Variants in IFT80 observed in about 807,000 individuals in gnomAD.
IFT80 encodes the protein intraflagellar transport protein 80 homolog.
In IFT80, 79 loss-of-function variants were observed where a neutral mutation model predicts 107.9. The observed-to-expected ratio is 0.73, with a 90% confidence interval of 0.61 to 0.88. The LOEUF (loss-of-function observed/expected upper bound fraction) is 0.88, where lower values mean the gene tolerates loss of function less well. IFT80 is among the 40% of genes least tolerant of loss of function. The pLI is 0.00. For missense variants in IFT80, 797 were observed against 914.2 expected (o/e 0.87, Z 1.65); for synonymous variants, 299 against 300.9 (o/e 0.99, Z 0.07).
chr3:160,303,114 T>C (rs540148883), intron 11 of IFT80, among the ~76,000 whole-genome samples: 1 of 152,124 alleles, frequency 6.6e-6, no homozygotes, highest in Non-Finnish European at 1.5e-5. Flanking sequence ...CTATTAAGAG[T>C]TGCCTACATG....
chr3:160,363,869 A>T (rs1349113959), intron 6 of IFT80, among the ~76,000 whole-genome samples: 2 of 152,358 alleles, frequency 1.3e-5, no homozygotes, highest in African/African-American at 4.8e-5. Flanking sequence ...AAGATGGGTT[A>T]AAGTCTTAAA....
intron 1 of IFT80, among the ~76,000 whole-genome samples, chr3:160,393,949 A>C (rs887369751): frequency 4.6e-5 from 7 of 152,220 alleles, no homozygotes; most frequent in African/African-American, 1.7e-4. Context: ...GCTTATTACT[A>C]ACCAAGGTCC....
At chr3:160,284,565 A>G (rs1179754595) in intron 13 of IFT80, among the ~76,000 whole-genome samples, 1 of 152,192 alleles carries the variant, frequency 6.6e-6, no homozygotes, top group Non-Finnish European at 1.5e-5. Flanking sequence ...ATATCCTTTG[A>G]CCCAGCAACA....
intron 3 of IFT80, 24 bp downstream of exon 3, chr3:160,381,479 A>G (rs372538767): frequency 1.3e-5 from 20 of 1,522,878 alleles, no homozygotes; most frequent in Non-Finnish European, 1.6e-5. Context: ...AATGGCGAGC[A>G]TATAATGTTT....
Position 160,268,436 on chromosome 3 carries a change from G to T in IFT80, c.2200C>A (p.Arg734=), listed in dbSNP as rs375941259. The T allele has an allele frequency of 6.2e-7, 1 of 1,612,798 alleles. No homozygotes were observed. Among genetic ancestry groups the T allele is most frequent in the East Asian group, 2.2e-5 (1 of 44,780 alleles). The change falls in exon 19 of 20, where the codon CGA becomes AGA. Residue 734 remains arginine, a synonymous_variant. Transcript: ENST00000326448. ...ETFGKQETNK[R]YLHYAEGLQI... ...ACACCTTCTGCATAATGCAAGTATCGTTTATTAGTTTCCTGTTTACCAAAT... is the reference window on the plus strand; with the variant it reads ...ACACCTTCTGCATAATGCAAGTATCTTTTATTAGTTTCCTGTTTACCAAAT...
At chr3:160,310,709 C>G (rs1276720815) in intron 9 of IFT80, among the ~76,000 whole-genome samples, 1 of 152,154 alleles carries the variant, frequency 6.6e-6, no homozygotes, top group Non-Finnish European at 1.5e-5. Flanking sequence ...CTGATCAAAT[C>G]TTAATACCAC....
intron 1 of IFT80, among the ~76,000 whole-genome samples, 189 bp downstream of exon 1, chr3:160,398,957 C>A (rs1038922430): frequency 3.3e-5 from 5 of 152,172 alleles, no homozygotes; most frequent in Admixed American, 1.3e-4. Flanking sequence ...AGTTGTCTCT[C>A]TACTCCCTTA....
rs146168611 is a variant in IFT80 at position 160,290,761 on chromosome 3, C to T, written c.1316-4893G>A. ...TATTTTTAGTAAAGTCGGGGTTTCG[C>T]CATGTTGGCCAGGCTGGTCTTGAAT... On this transcript the variant is annotated intron_variant, in intron 12 of 19. Coordinates refer to ENST00000326448, the MANE Select transcript of IFT80 (RefSeq NM_020800.3). 9.2e-4 allele frequency among the ~76,000 whole-genome samples: 140 copies of T among 152,190 alleles called. 3 individuals are homozygous for T. In the East Asian group the frequency reaches 0.027, roughly 29 times the overall value.
At chr3:160,266,206 G>A (rs1036869013) in intron 19 of IFT80, among the ~76,000 whole-genome samples, 3 of 151,546 alleles carry the variant, frequency 2.0e-5, no homozygotes, top group African/African-American at 4.8e-5. Flanking sequence ...TGTTGTTCTG[G>A]TACTCTTATG....
chr3:160,315,522 G>A (rs1289436065), intron 9 of IFT80, among the ~76,000 whole-genome samples: 1 of 152,082 alleles, frequency 6.6e-6, no homozygotes, highest in Non-Finnish European at 1.5e-5. Context: ...AGGCAGTTTT[G>A]CATGACTCAG....
At chr3:160,338,185 C>A (rs996653192) in intron 8 of IFT80, among the ~76,000 whole-genome samples, 2 of 152,132 alleles carry the variant, frequency 1.3e-5, no homozygotes, top group African/African-American at 4.8e-5. Context: ...TCCTAGAACT[C>A]AAATATGAAG....
At chr3:160,282,397 C>A in intron 14 of IFT80, 81 bp downstream of exon 14, 1 of 1,006,172 alleles carries the variant, frequency 9.9e-7, no homozygotes, top group East Asian at 2.6e-5. Flanking sequence ...TAAAACATTT[C>A]CAGATTCATT....
At position 160,357,533 on chromosome 3, in the gene IFT80, C is replaced by A. The variant is rs1405334972; in HGVS notation, c.595G>T (p.Val199Phe). ...GIILKVDWNS[V>F]NDLILSAGED... The stretch of plus-strand genomic sequence containing the variant: ...CCAGCAGATAAAATAAGATCATTGA[C>A]CGAGTTCCAATCTACTTTTAAAATA... The change falls in exon 7 of 20, where the codon GTC (valine) becomes TTC (phenylalanine). Residue 199 changes from valine to phenylalanine, a missense_variant. Transcript: ENST00000326448. 1 of 1,598,812 alleles carries A rather than the reference C, an allele frequency of 6.3e-7. No homozygotes were observed. Among genetic ancestry groups the A allele is most frequent in the Non-Finnish European group, 8.6e-7 (1 of 1,166,650 alleles).
intron 8 of IFT80, among the ~76,000 whole-genome samples, chr3:160,355,430 T>G (rs1290609294): frequency 6.6e-6 from 1 of 152,028 alleles, no homozygotes; most frequent in Non-Finnish European, 1.5e-5. Context: ...TCAATTTTTT[T>G]TATACAGACA....
At chr3:160,381,071 C>T (rs1366674331) in intron 3 of IFT80, among the ~76,000 whole-genome samples, 1 of 150,096 alleles carries the variant, frequency 6.7e-6, no homozygotes, top group Admixed American at 6.6e-5. Context: ...CCTGTCTCTA[C>T]AAAAAAAATG....
At position 160,320,019 on chromosome 3, in the gene IFT80, G is replaced by A. The variant is rs562599597; in HGVS notation, c.778-80C>T. 2.5e-4 allele frequency: 229 copies of A among 910,962 alleles called. 6 individuals are homozygous for A. The South Asian group carries it at 3.0e-3, about 12-fold the overall frequency. The allele number at this position is 910,962 out of a possible 1,614,324, so 56.4% of individuals were successfully genotyped here. On this transcript the variant is annotated intron_variant, in intron 8 of 19. Coordinates refer to ENST00000326448, the MANE Select transcript of IFT80 (RefSeq NM_020800.3). ...AGTTTTAAATCAGGCACATGACAACGTAATAAGATCATTTTTAAAAGAATG... is the reference window on the plus strand; with the variant it reads ...AGTTTTAAATCAGGCACATGACAACATAATAAGATCATTTTTAAAAGAATG...
At chr3:160,363,594 C>T (rs1183650187) in intron 6 of IFT80, among the ~76,000 whole-genome samples, 17 of 152,140 alleles carry the variant, frequency 1.1e-4, no homozygotes, top group African/African-American at 4.1e-4. Flanking sequence ...GGAGGCATCA[C>T]GCTACCTGAC....
At chr3:160,290,781 T>C (rs1715497310) in intron 12 of IFT80, among the ~76,000 whole-genome samples, 1 of 152,170 alleles carries the variant, frequency 6.6e-6, no homozygotes, top group South Asian at 2.1e-4. Context: ...CAGGCTGGTC[T>C]TGAATTCCTG....
intron 8 of IFT80, among the ~76,000 whole-genome samples, chr3:160,337,774 GTCTTT>G (rs1719607513): frequency 6.6e-6 from 1 of 152,094 alleles, no homozygotes; most frequent in Non-Finnish European, 1.5e-5. Context: ...AAGTGACTTG[GTCTTT>G]TCTTTAGATG....
Sources: allele counts gnomAD v4.1 joint callset (sites outside exome capture counted in the v4.1 genomes callset), GRCh38; gene constraint gnomAD v4.1.1; transcripts MANE v1.5; gene names NCBI Gene and HGNC (gene_info 2026-07-23, HGNC 2026-07-21).